INHBC: variants seen among roughly 807,000 people sequenced by gnomAD.
INHBC encodes inhibin beta C chain.
A neutral mutation model predicts 12.4 loss-of-function variants in INHBC; 10 were observed. The observed-to-expected ratio is 0.81, with a 90% confidence interval of 0.50 to 1.37. The LOEUF is 1.37. INHBC is among the 40% of genes most tolerant of loss of function. The pLI is 0.00. For synonymous variants in INHBC, 147 were observed against 171.6 expected, an observed-to-expected ratio of 0.86 and a Z score of 1.12; for missense variants, 382 against 439.4, an observed-to-expected ratio of 0.87 and a Z score of 1.17.
In INHBC at chr12:57,451,958, T is replaced by C; in HGVS notation, c.*1936T>C. ...AAGGGGGTGGTGAACAATTTATTAATCAAGATAGGACTTTAATGCAATATT... is the reference window on the plus strand; with the variant it reads ...AAGGGGGTGGTGAACAATTTATTAACCAAGATAGGACTTTAATGCAATATT... On this transcript the variant is annotated 3_prime_UTR_variant, in exon 2 of 2. Coordinates refer to ENST00000309668, the MANE Select transcript of INHBC (RefSeq NM_005538.4). 1 of 414,068 alleles carries C rather than the reference T, an allele frequency of 2.4e-6. No individual in the cohort carries two copies. The highest frequency in any genetic ancestry group is 4.8e-6 in the Non-Finnish European group (1 of 208,768). 25.6% of individuals were successfully genotyped at this position (414,068 alleles called of 1,614,324 possible).
intron 1 of INHBC, among the ~76,000 whole-genome samples, chr12:57,443,298 T>C (rs976958699): frequency 1.2e-4 from 18 of 151,228 alleles, no homozygotes; most frequent in Admixed American, 1.2e-3. Flanking sequence ...TTTTTTCTTT[T>C]TTTAAGACAG....
chr12:57,446,827 G>A (rs1050545389), intron 1 of INHBC, among the ~76,000 whole-genome samples: 19 of 152,052 alleles, frequency 1.2e-4, no homozygotes, highest in African/African-American at 2.9e-4. Context: ...AGGTTGGGCC[G>A]ACAAAGAGGA....
chr12:57,440,433 A>C (rs1231700100), intron 1 of INHBC, among the ~76,000 whole-genome samples: 1 of 150,530 alleles, frequency 6.6e-6, no homozygotes, highest in East Asian at 2.0e-4. Context: ...CCCGGGTTCA[A>C]GCGATTCTTT....
chr12:57,437,113 C>T (rs750164879), intron 1 of INHBC, among the ~76,000 whole-genome samples: 7 of 152,022 alleles, frequency 4.6e-5, no homozygotes, highest in African/African-American at 1.2e-4. Context: ...TAGCTGGGTG[C>T]GGTGGAGTGC....
chr12:57,445,716 C>CA (rs1442165380), intron 1 of INHBC, among the ~76,000 whole-genome samples: 1 of 144,588 alleles, frequency 6.9e-6, no homozygotes, highest in East Asian at 2.3e-4. Flanking sequence ...TAGTGAGACC[C>CA]CCCGCCCATC....
At chr12:57,440,104 G>A (rs965827718) in intron 1 of INHBC, among the ~76,000 whole-genome samples, 3 of 152,082 alleles carry the variant, frequency 2.0e-5, no homozygotes, top group South Asian at 4.1e-4. Flanking sequence ...TTTTTGCCCT[G>A]AGGTAATTTC....
At position 57,451,841 on chromosome 12, in the gene INHBC, A is replaced by G. The variant is rs1392543677; in HGVS notation, c.*1819A>G. The G allele has an allele frequency of 8.8e-6, 4 of 455,636 alleles. No individual in the cohort carries two copies. Among genetic ancestry groups the G allele is most frequent in the Admixed American group, 7.1e-5 (3 of 42,494 alleles). The allele number at this position is 455,636 out of a possible 1,614,324, so 28.2% of individuals were successfully genotyped here. On this transcript the variant is annotated 3_prime_UTR_variant, in exon 2 of 2. Transcript: ENST00000309668. ...TCTCCCCCACACATCCCCGACCCCC[A>G]GATCTAACCTCCTTCCCAATTACAG...
intron 1 of INHBC, among the ~76,000 whole-genome samples, chr12:57,447,892 A>AAAAAAAATATATATATATATATAT (rs1555325179): frequency 5.0e-5 from 1 of 19,878 alleles, no homozygotes; most frequent in Non-Finnish European, 1.1e-4. Flanking sequence ...AAAAAAAAAA[A>AAAAAAAATATATATATATATATAT]ATATATATAT....
rs759448478 is a variant in INHBC at position 57,449,423 on chromosome 12, G to T, written c.460G>T (p.Val154Leu). 4 of 1,614,050 alleles carry T rather than the reference G, an allele frequency of 2.5e-6. No homozygotes were observed. Among genetic ancestry groups the T allele is most frequent in the East Asian group, 2.2e-5 (1 of 44,890 alleles). The change falls in exon 2 of 2, where the codon GTG becomes TTG. Residue 154 changes from valine (V) to leucine (L), a missense_variant. Val to Leu is a conservative substitution (Grantham distance 32). Transcript: ENST00000309668. ...TTGGACCTTGAAAGTGAGAGTCCTTGTGCTGGGTCCACATAATACCAACCT... is the reference window on the plus strand; with the variant it reads ...TTGGACCTTGAAAGTGAGAGTCCTTTTGCTGGGTCCACATAATACCAACCT... ...TTWTLKVRVL[V>L]LGPHNTNLTL...
chr12:57,441,565 G>A (rs942096181), intron 1 of INHBC, among the ~76,000 whole-genome samples: 10 of 150,752 alleles, frequency 6.6e-5, no homozygotes, highest in Admixed American at 6.6e-4. Context: ...CATATTTTAG[G>A]TTTTTGTGAT....
In INHBC at chr12:57,449,987, C is replaced by A; in HGVS notation, c.1024C>A (p.Pro342Thr). Residue 342 changes from proline (P) to threonine (T), a missense_variant, in exon 2 of 2, where the codon CCT becomes ACT. Coordinates refer to ENST00000309668, the MANE Select transcript of INHBC (RefSeq NM_005538.4). ...RDSNIVKTDI[P>T]DMVVEACGCS Reference sequence around the variant, plus strand: ...CAGCAACATTGTCAAGACTGACATACCTGACATGGTAGTAGAGGCCTGTGG... The same window carrying A: ...CAGCAACATTGTCAAGACTGACATAACTGACATGGTAGTAGAGGCCTGTGG... 1 of 1,536,772 alleles carries A rather than the reference C, an allele frequency of 6.5e-7. No homozygotes were observed. Among genetic ancestry groups the A allele is most frequent in the South Asian group, 1.3e-5 (1 of 78,540 alleles).
chr12:57,451,930 T>A lies in INHBC; in HGVS notation c.*1908T>A. ...AGTCATTCACCTGGGGGGGCTAAAT[T>A]TTAAGGGGGTGGTGAACAATTTATT... On this transcript the variant is annotated 3_prime_UTR_variant, in exon 2 of 2. Coordinates refer to ENST00000309668, the MANE Select transcript of INHBC (RefSeq NM_005538.4). 3 of 433,336 alleles carry A rather than the reference T, an allele frequency of 6.9e-6. No homozygotes were observed. The highest frequency in any genetic ancestry group is 5.0e-5 in the South Asian group (3 of 60,346). The allele number at this position is 433,336 out of a possible 1,614,324, so 26.8% of individuals were successfully genotyped here.
chr12:57,441,029 A>T (rs184204199), intron 1 of INHBC, among the ~76,000 whole-genome samples: 107 of 152,236 alleles, frequency 7.0e-4, no homozygotes, highest in Admixed American at 2.7e-3. Context: ...TCAATATAGC[A>T]AGATGTTTCT....
At chr12:57,449,205 T>C (rs1327633151) in intron 1 of INHBC, 72 bp from the exon 2 acceptor site, 7 of 1,527,970 alleles carry the variant, frequency 4.6e-6, no homozygotes, top group Middle Eastern at 3.5e-4. Flanking sequence ...TCAAGAATGC[T>C]GAGTACAGAG....
Position 57,451,323 on chromosome 12 carries a change from G to T in INHBC, c.*1301G>T, listed in dbSNP as rs1054130462. ...GGCAGAGGCATGCTCAGAGCTGGCT[G>T]CCAGGACCTCTGACTTGCCTTCCTT... On this transcript the variant is annotated 3_prime_UTR_variant, in exon 2 of 2. Coordinates refer to ENST00000309668, the MANE Select transcript of INHBC (RefSeq NM_005538.4). Among the ~76,000 whole-genome samples, 3 of 152,224 alleles carry T rather than the reference G, an allele frequency of 2.0e-5. No individual in the cohort carries two copies. The highest frequency in any genetic ancestry group is 7.2e-5 in the African/African-American group (3 of 41,462).
At chr12:57,448,102 C>G (rs1211743164) in intron 1 of INHBC, among the ~76,000 whole-genome samples, 1 of 151,088 alleles carries the variant, frequency 6.6e-6, no homozygotes. Context: ...ATGCACTACT[C>G]CACCCAGCTC....
At chr12:57,442,939 C>T (rs868619267) in intron 1 of INHBC, among the ~76,000 whole-genome samples, 2 of 147,838 alleles carry the variant, frequency 1.4e-5, no homozygotes, top group African/African-American at 5.0e-5. Context: ...TGCAGTGAGC[C>T]GAGATTGCGC....
chr12:57,444,615 G>C (rs1870537638), intron 1 of INHBC, among the ~76,000 whole-genome samples: 1 of 151,510 alleles, frequency 6.6e-6, no homozygotes, highest in Non-Finnish European at 1.5e-5. Context: ...GCAGGATGAT[G>C]TATTAGAGAG....
chr12:57,441,129 G>T (rs1288357159), intron 1 of INHBC, among the ~76,000 whole-genome samples: 1 of 152,130 alleles, frequency 6.6e-6, no homozygotes, highest in African/African-American at 2.4e-5. Flanking sequence ...CAAAACGGGT[G>T]GATCACCTGA....
Sources: gnomAD v4.1 joint callset for allele counts (sites outside exome capture counted in the v4.1 genomes callset) on GRCh38, gnomAD v4.1.1 for gene constraint, MANE v1.5 for transcripts, NCBI Gene and HGNC (gene_info 2026-07-23, HGNC 2026-07-21) for gene names.